BBOF1: variants seen among roughly 807,000 people sequenced by gnomAD.
BBOF1 encodes basal body orientation factor 1, also known as basal body-orientation factor 1.
A neutral mutation model predicts 68.0 loss-of-function variants in BBOF1; 62 were observed. The observed-to-expected ratio is 0.91, with a 90% confidence interval of 0.74 to 1.13. The LOEUF (loss-of-function observed/expected upper bound fraction) is 1.13. Ranked by LOEUF, BBOF1 falls within the 50% of genes most tolerant of loss-of-function variation. The pLI is 0.00. For missense variants in BBOF1, 534 were observed against 600.1 expected (o/e 0.89, Z 1.15); for synonymous variants, 208 against 198.8 (o/e 1.05, Z -0.39).
In BBOF1 at chr14:74,057,190, G is replaced by T. The variant is rs749951354; in HGVS notation, c.1510G>T (p.Ala504Ser). 39 of 1,613,664 alleles carry T rather than the reference G, an allele frequency of 2.4e-5. 1 individual carries two copies. In the Admixed American group the frequency reaches 6.5e-4, roughly 27 times the overall value. The change falls in exon 11 of 12, where the codon GCA (alanine) becomes TCA (serine). Residue 504 changes from alanine to serine, a missense_variant. Physicochemically the swap from Ala to Ser is moderately conservative, Grantham distance 99. Transcript: ENST00000394009. ...QDKIFITQQI[A>S]ISDSSGEVVL... ...TAAAATCTTCATCACCCAGCAAATT[G>T]CAATATCAGACTCTTCTGGTGAAGT...
At chr14:74,066,166 G>C (rs1011155709), downstream of BBOF1, 7 of 163,350 alleles carry the variant, frequency 4.3e-5, no homozygotes, top group African/African-American at 1.7e-4. Context: ...CATAAGCTAG[G>C]CAGCAAGAGG....
intron 2 of BBOF1, 74 bp downstream of exon 2, chr14:74,023,218 A>C: frequency 2.4e-6 from 2 of 832,556 alleles, no homozygotes. Context: ...TGTATTTCAA[A>C]GATTTTTAAT....
At chr14:74,037,097 T>C (rs1360604754) in intron 4 of BBOF1, among the ~76,000 whole-genome samples, 22 of 147,176 alleles carry the variant, frequency 1.5e-4, no homozygotes, top group Non-Finnish European at 1.5e-5. Context: ...TTCAGCCTCC[T>C]GAGTAGCTGG....
intron 3 of BBOF1, among the ~76,000 whole-genome samples, chr14:74,030,616 C>G (rs2059542951): frequency 6.6e-6 from 1 of 151,886 alleles, no homozygotes; most frequent in Non-Finnish European, 1.5e-5. Flanking sequence ...CTGCCTCAGC[C>G]TCTCGAGTAG....
At chr14:74,053,957 A>C (rs7359103) in intron 8 of BBOF1, among the ~76,000 whole-genome samples, 61,826 of 150,998 alleles carry the variant, frequency 0.41, 13,839 homozygotes, top group East Asian at 0.82. Flanking sequence ...TCACTGCAAG[A>C]TCTGCCTCCA....
chr14:74,031,140 G>C (rs112284197), intron 3 of BBOF1, among the ~76,000 whole-genome samples: 1,793 of 149,740 alleles, frequency 0.012, 35 homozygotes, highest in African/African-American at 0.042. Flanking sequence ...TTGAGACAGG[G>C]TCTCCCTCTG....
In BBOF1 at chr14:74,047,956, T is replaced by C; in HGVS notation, c.674T>C (p.Val225Ala). 6.2e-7 allele frequency: 1 copy of C among 1,610,284 alleles called. No homozygotes were observed. Among genetic ancestry groups the C allele is most frequent in the Non-Finnish European group, 8.5e-7 (1 of 1,178,792 alleles). Residue 225 changes from valine to alanine, a missense_variant, in exon 7 of 12, where the codon GTT becomes GCT. Val to Ala is a moderately conservative substitution (Grantham distance 64). Transcript: ENST00000394009. ...CAATTGAACGATGCTGGAAGAAATG[T>C]TTTTAAAGAGAATGATTATCTTCAG... ...IVQLNDAGRN[V>A]FKENDYLQKA... is the part of the protein sequence containing the mutation.
chr14:74,044,202 T>C (rs1279839547), intron 5 of BBOF1, among the ~76,000 whole-genome samples: 2 of 151,900 alleles, frequency 1.3e-5, no homozygotes, highest in Non-Finnish European at 2.9e-5. Flanking sequence ...GCCGAGATCA[T>C]GCCACTGCAC....
chr14:74,064,677 A>G lies in BBOF1; in HGVS notation c.1579-11A>G, dbSNP rs2060429656. On this transcript the variant is annotated splice_polypyrimidine_tract_variant and intron_variant, in intron 11 of 11. Transcript: ENST00000394009. ...TTGGCAAAATTTTGTTAACTTTTAAATCTTTTTTAGGGAACCTTCTGAGAA... is the reference window on the plus strand; with the variant it reads ...TTGGCAAAATTTTGTTAACTTTTAAGTCTTTTTTAGGGAACCTTCTGAGAA... 5 of 1,613,976 alleles carry G rather than the reference A, an allele frequency of 3.1e-6. No homozygotes were observed. The highest frequency in any genetic ancestry group is 1.1e-5 in the South Asian group (1 of 91,092).
chr14:74,069,101 CTTTTTTT>C (rs900873855), downstream of BBOF1: 101 of 461,958 alleles, frequency 2.2e-4, no homozygotes, highest in Middle Eastern at 8.3e-4. Context: ...TTTACTTTTT[CTTTTTTT>C]TTTTTTTTTT....
intron 5 of BBOF1, among the ~76,000 whole-genome samples, chr14:74,042,166 T>C (rs185089506): frequency 1.3e-5 from 2 of 152,346 alleles, no homozygotes; most frequent in African/African-American, 4.8e-5. Context: ...TGAGCTACCA[T>C]GCCTTGCTCC....
At chr14:74,056,344 G>C (rs75824542) in intron 9 of BBOF1, among the ~76,000 whole-genome samples, 61,632 of 151,334 alleles carry the variant, frequency 0.41, 13,785 homozygotes, top group East Asian at 0.82. Flanking sequence ...GGATTACAGG[G>C]GCCACCACCA....
At position 74,029,187 on chromosome 14, in the gene BBOF1, GA is replaced by G; in HGVS notation, c.294del (p.Lys98AsnfsTer2). The G allele has an allele frequency of 6.4e-7, 1 of 1,554,106 alleles. No homozygotes were observed. The highest frequency in any genetic ancestry group is 8.7e-7 in the Non-Finnish European group (1 of 1,145,880). On this transcript the variant is annotated frameshift_variant, in exon 3 of 12. Coordinates refer to ENST00000394009, the MANE Select transcript of BBOF1 (RefSeq NM_025057.3). LOFTEE classifies it high-confidence loss of function. Reference sequence around the variant, plus strand: ...CCTGTATTTTGATTTTCAACAGATTGAAAAACTGAAACAGCAATTAAATGAA... The same window carrying G: ...CCTGTATTTTGATTTTCAACAGATTGAAAACTGAAACAGCAATTAAATGAA... ...KQDQEKDNMI[E>X]KLKQQLNETK...
intron 3 of BBOF1, 81 bp downstream of exon 3, chr14:74,029,330 CAGTG>C (rs2059509074): frequency 4.8e-6 from 4 of 830,978 alleles, no homozygotes; most frequent in African/African-American, 3.4e-5. Flanking sequence ...GACCCAATGA[CAGTG>C]AGTGAGTAAG....
intron 12 of BBOF1, among the ~76,000 whole-genome samples, chr14:74,082,329 A>G (rs367991045): frequency 1.9e-4 from 28 of 151,182 alleles, no homozygotes; most frequent in South Asian, 1.2e-3. Context: ...AATTGAAAAC[A>G]TTAACTTTCT....
chr14:74,042,879 G>GACACACACACAC (rs71460947), intron 5 of BBOF1, among the ~76,000 whole-genome samples: 1 of 143,664 alleles, frequency 7.0e-6, no homozygotes, highest in Non-Finnish European at 1.5e-5. Flanking sequence ...CACACACACA[G>GACACACACACAC]ACACACACAC....
At chr14:74,076,365 C>T (rs1255835703) in intron 9 of BBOF1, among the ~76,000 whole-genome samples, 1 of 152,008 alleles carries the variant, frequency 6.6e-6, no homozygotes, top group Non-Finnish European at 1.5e-5. Flanking sequence ...TATATGTTAT[C>T]AAAGTTGATT....
intron 5 of BBOF1, among the ~76,000 whole-genome samples, chr14:74,045,254 C>T (rs551893049): frequency 6.6e-6 from 1 of 152,270 alleles, no homozygotes; most frequent in African/African-American, 2.4e-5. Flanking sequence ...TTGTTCACTA[C>T]AGAATTTCAG....
intron 4 of BBOF1, among the ~76,000 whole-genome samples, chr14:74,036,984 T>G (rs1758978773): frequency 6.8e-6 from 1 of 147,594 alleles, no homozygotes; most frequent in South Asian, 2.1e-4. Context: ...TTTTTTTTTT[T>G]TTTTTTGAGA....
Sources: gnomAD v4.1 joint callset for allele counts (sites outside exome capture counted in the v4.1 genomes callset) on GRCh38, gnomAD v4.1.1 for gene constraint, MANE v1.5 for transcripts, NCBI Gene and HGNC (gene_info 2026-07-23, HGNC 2026-07-21) for gene names.